Variants in CWC27 observed in about 807,000 individuals in gnomAD.
CWC27 encodes the protein CWC27 spliceosome associated cyclophilin.
In CWC27, 47 loss-of-function variants were observed where a neutral mutation model predicts 63.6. The observed-to-expected ratio is 0.74, with a 90% confidence interval of 0.58 to 0.94. The LOEUF (loss-of-function observed/expected upper bound fraction) is 0.94, where lower values mean the gene tolerates loss of function less well. CWC27 is among the 40% of genes least tolerant of loss of function. CWC27 has a pLI of 0.00. For missense variants in CWC27, 495 were observed against 554.3 expected (o/e 0.89, Z 1.07); for synonymous variants, 175 against 179.8 (o/e 0.97, Z 0.22).
At chr5:65,008,838 G>A (rs1026684777) in intron 13 of CWC27, among the ~76,000 whole-genome samples, 1 of 152,164 alleles carries the variant, frequency 6.6e-6, no homozygotes, top group African/African-American at 2.4e-5. Flanking sequence ...GTCTAGTGTA[G>A]ATAGGACATA....
intron 11 of CWC27, among the ~76,000 whole-genome samples, chr5:64,925,917 G>A (rs1748102040): frequency 6.6e-6 from 1 of 151,990 alleles, no homozygotes; most frequent in Non-Finnish European, 1.5e-5. Flanking sequence ...TTTTGCTTAT[G>A]GGATTTTTGT....
At chr5:64,946,133 A>G (rs1284400040) in intron 11 of CWC27, among the ~76,000 whole-genome samples, 1 of 152,140 alleles carries the variant, frequency 6.6e-6, no homozygotes, top group Non-Finnish European at 1.5e-5. Flanking sequence ...AATTACTCAA[A>G]ATGCTAATTA....
rs920997878 is a variant in CWC27, at chr5:64,959,512, A to C, written c.1043-12191A>C. 3.1e-4 allele frequency among the ~76,000 whole-genome samples: 47 copies of C among 152,202 alleles called. 1 individual carries two copies. The highest frequency in any genetic ancestry group is 8.8e-5 in the Non-Finnish European group (6 of 68,022). ...GCTCCTCAGGAGAGATGGTAAAACC[A>C]CAATGAATGGCTGCAACTCTTACCC... On this transcript the variant is annotated intron_variant, in intron 11 of 13. Coordinates refer to ENST00000381070, the MANE Select transcript of CWC27 (RefSeq NM_005869.4).
intron 11 of CWC27, among the ~76,000 whole-genome samples, chr5:64,932,730 T>C (rs1748263574): frequency 6.6e-6 from 1 of 152,212 alleles, no homozygotes; most frequent in African/African-American, 2.4e-5. Flanking sequence ...AATTCTTTAC[T>C]CTGTCAGTAT....
At chr5:64,999,832 CT>C (rs1314875662) in intron 13 of CWC27, among the ~76,000 whole-genome samples, 1 of 152,020 alleles carries the variant, frequency 6.6e-6, no homozygotes, top group African/African-American at 2.4e-5. Context: ...ATAATGATTT[CT>C]TTCCTTTGGA....
chr5:65,017,816 G>A (rs1750076250), intron 13 of CWC27, among the ~76,000 whole-genome samples: 1 of 152,204 alleles, frequency 6.6e-6, no homozygotes, highest in Non-Finnish European at 1.5e-5. Context: ...AAAGGAATGT[G>A]TTCTTTAAAG....
chr5:64,808,909 C>T (rs1993622), intron 10 of CWC27, among the ~76,000 whole-genome samples: 56,631 of 151,952 alleles, frequency 0.37, 11,328 homozygotes, highest in East Asian at 0.51. Flanking sequence ...GAAGATCCTT[C>T]TTTAACTTTT....
intron 4 of CWC27, among the ~76,000 whole-genome samples, chr5:64,785,002 G>T (rs1743831831): frequency 6.6e-6 from 1 of 152,146 alleles, no homozygotes; most frequent in African/African-American, 2.4e-5. Context: ...AGTTAGAAAG[G>T]CCATCACTGT....
At chr5:65,004,106 A>G (rs1279420968) in intron 13 of CWC27, among the ~76,000 whole-genome samples, 1 of 152,010 alleles carries the variant, frequency 6.6e-6, no homozygotes, top group African/African-American at 2.4e-5. Context: ...CGGCCTCCCA[A>G]AGTGCCGGGA....
At chr5:64,921,797 T>C (rs911699538) in intron 11 of CWC27, among the ~76,000 whole-genome samples, 24 of 152,206 alleles carry the variant, frequency 1.6e-4, no homozygotes, top group African/African-American at 5.8e-4. Flanking sequence ...GCAAGTAGAA[T>C]TCTTTTGTTT....
intron 11 of CWC27, among the ~76,000 whole-genome samples, chr5:64,957,054 C>T (rs1428969396): frequency 1.3e-5 from 2 of 152,138 alleles, no homozygotes; most frequent in Admixed American, 6.6e-5. Flanking sequence ...AAAGAATACT[C>T]TGCAATACCA....
At chr5:64,942,835 T>C (rs1239248025) in intron 11 of CWC27, among the ~76,000 whole-genome samples, 1 of 152,264 alleles carries the variant, frequency 6.6e-6, no homozygotes, top group East Asian at 1.9e-4. Flanking sequence ...GCTTTAATTT[T>C]ATGCCTGTGC....
chr5:64,854,746 T>C (rs569487382), intron 10 of CWC27, among the ~76,000 whole-genome samples: 3 of 152,346 alleles, frequency 2.0e-5, no homozygotes, highest in African/African-American at 7.2e-5. Flanking sequence ...TGGATGTTGA[T>C]TTTTATGTGT....
intron 11 of CWC27, among the ~76,000 whole-genome samples, chr5:64,911,282 A>T (rs1242245313): frequency 6.6e-6 from 1 of 152,148 alleles, no homozygotes; most frequent in Non-Finnish European, 1.5e-5. Context: ...AGCACCTCTA[A>T]CCTGTAGTCA....
chr5:64,785,909 A>C (rs911026220), intron 5 of CWC27, among the ~76,000 whole-genome samples: 6 of 152,104 alleles, frequency 3.9e-5, no homozygotes, highest in African/African-American at 1.4e-4. Flanking sequence ...TCACACCTGT[A>C]ATCTCAGCAC....
chr5:64,849,909 G>A (rs1252647377), intron 10 of CWC27, among the ~76,000 whole-genome samples: 1 of 152,128 alleles, frequency 6.6e-6, no homozygotes, highest in Non-Finnish European at 1.5e-5. Flanking sequence ...GGAACTGTGA[G>A]TCAATTAAAC....
intron 11 of CWC27, among the ~76,000 whole-genome samples, chr5:64,896,277 T>G (rs1056191773): frequency 6.6e-6 from 1 of 152,182 alleles, no homozygotes; most frequent in Non-Finnish European, 1.5e-5. Flanking sequence ...CCTGTGGACC[T>G]TCACCAAAGG....
chr5:64,847,565 G>A lies in CWC27; in HGVS notation c.939-37878G>A, dbSNP rs886858695. On this transcript the variant is annotated intron_variant, in intron 10 of 13. Transcript: ENST00000381070. Reference sequence around the variant, plus strand: ...TCACAGACATATATTAAAACATTCCGTTCAACAGCAACAGAATACAAATTT... The same window carrying A: ...TCACAGACATATATTAAAACATTCCATTCAACAGCAACAGAATACAAATTT... Among the ~76,000 whole-genome samples the A allele has an allele frequency of 2.6e-5, 4 of 152,140 alleles. No homozygotes were observed. The East Asian group carries it at 5.8e-4, about 22-fold the overall frequency.
intron 11 of CWC27, among the ~76,000 whole-genome samples, chr5:64,897,132 C>G (rs1389792113): frequency 6.6e-6 from 1 of 152,032 alleles, no homozygotes; most frequent in African/African-American, 2.4e-5. Context: ...TTGCTAGAAC[C>G]CGGGAGGCAG....
Sources: allele counts gnomAD v4.1 joint callset (sites outside exome capture counted in the v4.1 genomes callset), GRCh38; gene constraint gnomAD v4.1.1; transcripts MANE v1.5; gene names NCBI Gene and HGNC (gene_info 2026-07-23, HGNC 2026-07-21).